KLF8: variants seen among roughly 807,000 people sequenced by gnomAD.
KLF8 encodes KLF transcription factor 8, also known as Krueppel-like factor 8.
A neutral mutation model predicts 18.2 loss-of-function variants in KLF8; 10 were observed. The ratio of observed to expected loss-of-function variants is 0.55; its 90% confidence interval spans 0.34 to 0.93. The LOEUF is 0.93. Ranked by LOEUF, KLF8 falls within the 40% of genes least tolerant of loss-of-function variation. KLF8 has a pLI of 0.02. For missense variants in KLF8, 264 were observed against 277.9 expected (o/e 0.95, Z 0.36); for synonymous variants, 109 against 97.3 (o/e 1.12, Z -0.71).
chrX:56,271,448 A>G (rs2067056918), intron 5 of KLF8, among the ~76,000 whole-genome samples: 1 of 110,377 alleles, frequency 9.1e-6, no homozygotes, highest in Non-Finnish European at 1.9e-5. Flanking sequence ...TGCCTTGGAG[A>G]CTCCTTCTCC....
At chrX:55,941,460 G>A in the KLF8 span, among the ~76,000 whole-genome samples, 1 of 111,458 alleles carries the variant, frequency 9.0e-6, no homozygotes, top group African/African-American at 3.3e-5. Flanking sequence ...ATAGGCATGG[G>A]CAAGGACTTC....
intron 1 of KLF8, among the ~76,000 whole-genome samples, chrX:56,237,713 G>C (rs2147565370): frequency 8.9e-6 from 1 of 111,869 alleles, no homozygotes; most frequent in South Asian, 3.7e-4. Flanking sequence ...CAGTGCATTA[G>C]AGAGCTCAGG....
At chrX:56,231,692 C>T (rs755351628), upstream of KLF8, among the ~76,000 whole-genome samples, 32 of 111,429 alleles carry the variant, frequency 2.9e-4, no homozygotes, top group Non-Finnish European at 5.8e-4. Flanking sequence ...TAAAGAAATC[C>T]TGGAAACATG....
At chrX:55,964,206 A>T in the KLF8 span, among the ~76,000 whole-genome samples, 1 of 111,734 alleles carries the variant, frequency 8.9e-6, no homozygotes, top group African/African-American at 3.3e-5. Context: ...CACCTAGAGG[A>T]ACTAGAGAAA....
intron 5 of KLF8, 32 bp downstream of exon 5, chrX:56,270,353 C>T (rs1262974416): frequency 1.1e-6 from 1 of 925,465 alleles, no homozygotes; most frequent in Admixed American, 3.4e-5. Context: ...CCCCAACACA[C>T]ACACACACAC....
At chrX:55,958,964 G>T in the KLF8 span, among the ~76,000 whole-genome samples, 1 of 111,688 alleles carries the variant, frequency 9.0e-6, no homozygotes, top group South Asian at 3.8e-4. Context: ...ATGCACATGT[G>T]CAAGGGGGCT....
At chrX:56,011,477 A>G in the KLF8 span, among the ~76,000 whole-genome samples, 1 of 112,088 alleles carries the variant, frequency 8.9e-6, no homozygotes, top group Non-Finnish European at 1.9e-5. Context: ...AGGGAAATTT[A>G]TAACACTGAA....
chrX:56,159,842 C>T, the KLF8 span, among the ~76,000 whole-genome samples: 5 of 111,459 alleles, frequency 4.5e-5, no homozygotes, highest in Non-Finnish European at 7.5e-5. Context: ...AAACAATCTC[C>T]TGGATTCATT....
chrX:56,257,984 A>G (rs1253768015), intron 2 of KLF8, among the ~76,000 whole-genome samples: 2 of 112,214 alleles, frequency 1.8e-5, no homozygotes, highest in Non-Finnish European at 3.8e-5. Flanking sequence ...TGGTGTATAA[A>G]TGAATTTGCT....
the KLF8 span, among the ~76,000 whole-genome samples, chrX:56,053,337 C>A: frequency 9.0e-6 from 1 of 111,459 alleles, no homozygotes; most frequent in African/African-American, 3.3e-5. Context: ...TATGTTGAAC[C>A]AATTTTTAAT....
the KLF8 span, among the ~76,000 whole-genome samples, chrX:56,018,787 A>ATG: frequency 2.7e-5 from 3 of 109,996 alleles, no homozygotes; most frequent in South Asian, 3.8e-4. Flanking sequence ...ATTTGTTTGT[A>ATG]TGTGTGTGTG....
chrX:56,159,221 A>C, the KLF8 span, among the ~76,000 whole-genome samples: 1 of 112,213 alleles, frequency 8.9e-6, no homozygotes, highest in Non-Finnish European at 1.9e-5. Context: ...CCAGTCTTGC[A>C]TCCCAGGGAT....
the KLF8 span, among the ~76,000 whole-genome samples, chrX:56,048,576 G>A: frequency 8.9e-6 from 1 of 111,736 alleles, no homozygotes; most frequent in African/African-American, 3.3e-5. Context: ...TCAGATAGTT[G>A]TAGATGTGCG....
the KLF8 span, among the ~76,000 whole-genome samples, chrX:56,116,149 C>T: frequency 3.5e-5 from 4 of 112,832 alleles, no homozygotes; most frequent in Non-Finnish European, 5.6e-5. Context: ...TACTACATGG[C>T]GTGAAACTGC....
chrX:56,083,176 C>T, the KLF8 span, among the ~76,000 whole-genome samples: 1 of 111,629 alleles, frequency 9.0e-6, no homozygotes, highest in Admixed American at 9.5e-5. Context: ...TGATGGTGTC[C>T]CCTAAGTCCC....
rs1471370138 is a variant in KLF8 at position 56,269,022 on chromosome X, AC to A, written c.647-355del. 212 of 894,065 alleles carry A rather than the reference AC, an allele frequency of 2.4e-4. No individual in the cohort carries two copies. The African/African-American group carries it at 3.9e-3, about 17-fold the overall frequency. The allele number at this position is 894,065 out of a possible 1,213,427, so 73.7% of individuals were successfully genotyped here. On this transcript the variant is annotated intron_variant, in intron 3 of 5. Transcript: ENST00000468660. ...TTCAATTCAACACACACACACACAC[AC>A]ACACGTTGAAACTAACTTTTCAGCT...
At chrX:56,221,182 G>T in the KLF8 span, among the ~76,000 whole-genome samples, 1 of 111,977 alleles carries the variant, frequency 8.9e-6, no homozygotes, top group Admixed American at 9.4e-5. Flanking sequence ...ATCAGAACTA[G>T]TTCTGAAGTA....
At chrX:55,939,202 G>A in the KLF8 span, among the ~76,000 whole-genome samples, 7 of 111,651 alleles carry the variant, frequency 6.3e-5, no homozygotes, top group East Asian at 2.0e-3. Context: ...AATCAAACTA[G>A]AACTCAGGAT....
chrX:56,079,251 A>G, the KLF8 span, among the ~76,000 whole-genome samples: 1 of 110,513 alleles, frequency 9.0e-6, no homozygotes, highest in South Asian at 3.9e-4. Context: ...TCAATTTTGG[A>G]TCTTCCCTGC....
Sources: allele counts gnomAD v4.1 joint callset (sites outside exome capture counted in the v4.1 genomes callset), GRCh38; gene constraint gnomAD v4.1.1; transcripts MANE v1.5; gene names NCBI Gene and HGNC (gene_info 2026-07-23, HGNC 2026-07-21).